Variants in TRAP1 observed in about 807,000 individuals in gnomAD.
The protein encoded by TRAP1 is TNF receptor associated protein 1.
In TRAP1, 102 loss-of-function variants were observed where a neutral mutation model predicts 89.1. That is an observed-to-expected ratio of 1.15 (90% CI 0.98 to 1.35). The LOEUF is 1.35. Among genes scored for constraint, TRAP1 ranks in the 40% most tolerant of loss-of-function variants. TRAP1 has a pLI of 0.00. For missense variants in TRAP1, 1,256 were observed against 945.3 expected, an observed-to-expected ratio of 1.33 and a Z score of -4.31; for synonymous variants, 508 against 388.0, an observed-to-expected ratio of 1.31 and a Z score of -3.64.
intron 16 of TRAP1, 128 bp downstream of exon 16, chr16:3,661,849 ATACAGCTCCT>A (rs1207517107): frequency 1.7e-6 from 2 of 1,185,484 alleles, no homozygotes; most frequent in Non-Finnish European, 2.3e-6. Flanking sequence ...CCTAAACTGC[ATACAGCTCCT>A]TATAGTTACC....
At chr16:3,687,878 C>CCAAAAAAAAAAAAAAAA (rs2051158510) in intron 3 of TRAP1, among the ~76,000 whole-genome samples, 3 of 138,774 alleles carry the variant, frequency 2.2e-5, no homozygotes, top group African/African-American at 5.4e-5. Flanking sequence ...AAAAAAAAAA[C>CCAAAAAAAAAAAAAAAA]AAAAACCCAC....
rs2051180101 is a variant in TRAP1, at chr16:3,689,266, A to G, written c.248-129T>C. The G allele has an allele frequency of 3.3e-5, 22 of 669,056 alleles. No individual in the cohort carries two copies. In the South Asian group the frequency reaches 4.4e-4, roughly 13 times the overall value. The allele number at this position is 669,056 out of a possible 1,614,324, so 41.4% of individuals were successfully genotyped here. On this transcript the variant is annotated intron_variant, in intron 2 of 17. Transcript: ENST00000246957. ...ACTTTTTTTTTTTTTTTTTTTTGAG[A>G]CGGAGTCTCGCTCTGTCACCCAGGC...
chr16:3,681,518 G>A (rs1257501586), intron 4 of TRAP1, among the ~76,000 whole-genome samples: 1 of 152,206 alleles, frequency 6.6e-6, no homozygotes, highest in African/African-American at 2.4e-5. Context: ...AAGAAACATG[G>A]CACCAAGAGG....
At position 3,690,838 on chromosome 16, in the gene TRAP1, T is replaced by C. The variant is rs1288142880; in HGVS notation, c.236A>G (p.Glu79Gly). The C allele has an allele frequency of 3.3e-6, 5 of 1,515,494 alleles. No homozygotes were observed. Among genetic ancestry groups the C allele is most frequent in the Admixed American group, 4.2e-5 (2 of 47,532 alleles). The allele number at this position is 1,515,494 out of a possible 1,614,324, so 93.9% of individuals were successfully genotyped here. ...EPLHSIISSTESVQGSTSKHE... is the reference protein window; with the variant it reads ...EPLHSIISSTGSVQGSTSKHE... ...CGAGCCAAGGCTACCCTGCACGCTC[T>C]CTGTGCTGCTGATAATCGAGTGCAG... Residue 79 changes from glutamate (E) to glycine (G), a missense_variant, in exon 2 of 18, where the codon GAG becomes GGG. Glu to Gly is a moderately conservative substitution (Grantham distance 98). Transcript: ENST00000246957.
intron 1 of TRAP1, among the ~76,000 whole-genome samples, chr16:3,700,710 C>G (rs560048149): frequency 5.3e-5 from 8 of 152,292 alleles, no homozygotes; most frequent in Admixed American, 1.3e-4. Context: ...AAGGGATCCT[C>G]CTGCCTCAGC....
Position 3,664,273 on chromosome 16 carries a change from C to T in TRAP1, c.1569+1G>A, listed in dbSNP as rs887335320. ...GCCCGCCCCACCCACCGCTCACCCA[C>T]CTCTGTGTCTTTCTTCTTCATGGCC... is the stretch of plus-strand genomic sequence containing the variant. On this transcript the variant is annotated splice_donor_variant, in intron 13 of 17. Coordinates refer to ENST00000246957, the MANE Select transcript of TRAP1 (RefSeq NM_016292.3). LOFTEE classifies it high-confidence loss of function. The T allele has an allele frequency of 3.8e-6, 6 of 1,587,698 alleles. No individual in the cohort carries two copies. The highest frequency in any genetic ancestry group is 5.1e-6 in the Non-Finnish European group (6 of 1,168,436).
In TRAP1 at chr16:3,666,036, A is replaced by G; in HGVS notation, c.1318T>C (p.Phe440Leu). ...SKKDAEKYAK[F>L]FEDYGLFMRE... ...ATGAACAGGCCGTAATCTTCAAAAA[A>G]CTTTGCATACTTCTCAGCATCTTTT... is the stretch of plus-strand genomic sequence containing the variant. Residue 440 changes from phenylalanine to leucine, a missense_variant, in exon 12 of 18, where the codon TTT (phenylalanine) becomes CTT (leucine). Coordinates refer to ENST00000246957, the MANE Select transcript of TRAP1 (RefSeq NM_016292.3). The G allele has an allele frequency of 6.2e-7, 1 of 1,614,162 alleles. No individual in the cohort carries two copies. The highest frequency in any genetic ancestry group is 1.1e-5 in the South Asian group (1 of 91,084).
chr16:3,658,249 A>G lies in TRAP1; in HGVS notation c.2014-19T>C. ...CGTATATCTGAAAGGCAAGAGGAGA[A>G]ACCCATTATGAGGGGCATGGGGCAC... On this transcript the variant is annotated intron_variant, in intron 17 of 17. Transcript: ENST00000246957. The G allele has an allele frequency of 3.1e-6, 5 of 1,602,200 alleles. No individual in the cohort carries two copies. The highest frequency in any genetic ancestry group is 4.3e-6 in the Non-Finnish European group (5 of 1,170,864).
intron 11 of TRAP1, among the ~76,000 whole-genome samples, chr16:3,669,355 A>C (rs931834109): frequency 1.3e-5 from 2 of 152,206 alleles, no homozygotes; most frequent in Non-Finnish European, 2.9e-5. Flanking sequence ...TGTCGGCAGC[A>C]AGTCGGGGTC....
chr16:3,663,080 C>G (rs1304499823), intron 14 of TRAP1, 113 bp from the exon 15 acceptor site: 1 of 803,188 alleles, frequency 1.2e-6, no homozygotes, highest in Non-Finnish European at 1.9e-6. Flanking sequence ...AGGATGGAGA[C>G]ACAAGCTAGC....
intron 8 of TRAP1, 68 bp downstream of exon 8, chr16:3,675,256 T>C: frequency 6.6e-7 from 1 of 1,520,108 alleles, no homozygotes; most frequent in Non-Finnish European, 9.1e-7. Context: ...TCATCTCTTC[T>C]CCGCTGCCCT....
chr16:3,688,490 CT>C (rs1014503304), intron 3 of TRAP1, among the ~76,000 whole-genome samples: 16 of 150,744 alleles, frequency 1.1e-4, no homozygotes, highest in Non-Finnish European at 1.6e-4. Context: ...ATTTGGGGGA[CT>C]TTTTTTTTGG....
intron 1 of TRAP1, among the ~76,000 whole-genome samples, chr16:3,704,939 G>A (rs572880972): frequency 6.6e-6 from 1 of 151,850 alleles, no homozygotes; most frequent in Non-Finnish European, 1.5e-5. Context: ...TAAAAGTACT[G>A]AAAGAAAACA....
chr16:3,664,456 C>A lies in TRAP1; in HGVS notation c.1387G>T (p.Asp463Tyr). The stretch of plus-strand genomic sequence containing the variant: ...TCGTAGCGCAGCAGCTTTGCTATGT[C>A]CTCCTAGAAGGGACGGGGCAGGTCA... ...VTATEQEVKE[D>Y]IAKLLRYESS... Residue 463 changes from aspartate (D) to tyrosine (Y), a missense_variant, in exon 13 of 18, where the codon GAC becomes TAC. Asp to Tyr is a radical substitution (Grantham distance 160, BLOSUM62 -3). Coordinates refer to ENST00000246957, the MANE Select transcript of TRAP1 (RefSeq NM_016292.3). 1.2e-6 allele frequency: 2 copies of A among 1,609,588 alleles called. No individual in the cohort carries two copies. Among genetic ancestry groups the A allele is most frequent in the Non-Finnish European group, 1.7e-6 (2 of 1,178,298 alleles).
At chr16:3,666,823 G>A (rs1305957955) in intron 11 of TRAP1, among the ~76,000 whole-genome samples, 1 of 152,164 alleles carries the variant, frequency 6.6e-6, no homozygotes, top group Non-Finnish European at 1.5e-5. Flanking sequence ...TTAGGGATCA[G>A]GATATTTACT....
rs1414559031 is a variant in TRAP1 at position 3,703,046 on chromosome 16, A to G, written c.89-12061T>C. 5.5e-4 allele frequency among the ~76,000 whole-genome samples: 70 copies of G among 127,814 alleles called. 1 individual carries two copies. The highest frequency in any genetic ancestry group is 2.9e-3 in the African/African-American group (67 of 22,852). 83.9% of individuals were successfully genotyped at this position (127,814 alleles called of 152,430 possible). ...AACAAGAGTGAAACTCCGTCTTGAA[A>G]AAAAAAAAAAAAAAAAAAAAGCATT... is the stretch of plus-strand genomic sequence containing the variant. On this transcript the variant is annotated intron_variant, in intron 1 of 17. Transcript: ENST00000246957.
chr16:3,674,419 G>C lies in TRAP1; in HGVS notation c.964C>G (p.His322Asp). 1 of 1,614,134 alleles carries C rather than the reference G, an allele frequency of 6.2e-7. No homozygotes were observed. Among genetic ancestry groups the C allele is most frequent in the Non-Finnish European group, 8.5e-7 (1 of 1,180,034 alleles). The part of the protein sequence containing the change: ...EEFYRYVAQA[H>D]DKPRYTLHYK... ...TGCAGGGTGTAGCGGGGCTTGTCGT[G>C]AGCCTGCGCGACGTAGCGGTAGAAC... The change falls in exon 9 of 18, where the codon CAC (histidine) becomes GAC (aspartate). Residue 322 changes from histidine (H) to aspartate (D), a missense_variant. By Grantham distance (81) the His-to-Asp change is moderately conservative (BLOSUM62 -1). Transcript: ENST00000246957.
chr16:3,672,654 G>T, intron 10 of TRAP1, 46 bp downstream of exon 10: 2 of 1,574,790 alleles, frequency 1.3e-6, no homozygotes, highest in South Asian at 2.3e-5. Context: ...TGCAGCGGGC[G>T]ACACTGGGCC....
At chr16:3,686,639 C>A (rs1056228532) in intron 3 of TRAP1, among the ~76,000 whole-genome samples, 11 of 152,054 alleles carry the variant, frequency 7.2e-5, no homozygotes, top group Admixed American at 6.6e-4. Flanking sequence ...TTTAATCAAG[C>A]CTGAAGTTAC....
Sources: allele counts gnomAD v4.1 joint callset (sites outside exome capture counted in the v4.1 genomes callset), GRCh38; gene constraint gnomAD v4.1.1; transcripts MANE v1.5; gene names NCBI Gene and HGNC (gene_info 2026-07-23, HGNC 2026-07-21).